TRIM49: variants seen among roughly 807,000 people sequenced by gnomAD.
TRIM49 encodes the protein tripartite motif containing 49, also known as tripartite motif-containing protein 49.
A neutral mutation model predicts 27.4 loss-of-function variants in TRIM49; 5 were observed. The observed-to-expected ratio is 0.18, with a 90% CI of 0.10 to 0.38. TRIM49 has a LOEUF of 0.38. Among genes scored for constraint, TRIM49 ranks in the 10% least tolerant of loss-of-function variants. The pLI is 1.00. For missense variants in TRIM49, 188 were observed against 487.5 expected, an observed-to-expected ratio of 0.39 and a Z score of 5.79; for synonymous variants, 69 against 166.0, an observed-to-expected ratio of 0.42 and a Z score of 4.49.
chr11:89,799,991 G>A (rs188071918), intron 6 of TRIM49, among the ~76,000 whole-genome samples, 178 bp from the exon 7 acceptor site: 8,604 of 150,014 alleles, frequency 0.057, 423 homozygotes, highest in Non-Finnish European at 0.091. Flanking sequence ...AAGCATGATG[G>A]AAGAATCTAA....
the TRIM49 span, among the ~76,000 whole-genome samples, chr11:89,775,394 CA>C: frequency 2.7e-3 from 212 of 77,764 alleles, 3 homozygotes; most frequent in Middle Eastern, 5.0e-3. Context: ...CAACAACAAC[CA>C]AAAAAAAAAA....
At chr11:89,800,826 T>G in intron 6 of TRIM49, 140 bp downstream of exon 6, 2 of 590,926 alleles carry the variant, frequency 3.4e-6, no homozygotes, top group Non-Finnish European at 6.1e-6. Flanking sequence ...GGCCTTGTCT[T>G]TTAAGGTGTG....
intron 5 of TRIM49, 139 bp from the exon 6 acceptor site, chr11:89,801,127 C>T: frequency 6.6e-7 from 1 of 1,510,936 alleles, no homozygotes; most frequent in Non-Finnish European, 8.9e-7. Context: ...TTTTCTGTTT[C>T]TTCTGTAAAG....
the TRIM49 span, among the ~76,000 whole-genome samples, chr11:89,788,371 T>TA: frequency 0.029 from 142 of 4,836 alleles, no homozygotes; most frequent in South Asian, 0.044. Flanking sequence ...TGTCTCAATT[T>TA]AAAAAAATCA....
At chr11:89,773,103 A>C in the TRIM49 span, among the ~76,000 whole-genome samples, 1 of 136,856 alleles carries the variant, frequency 7.3e-6, no homozygotes, top group African/African-American at 3.3e-5. Context: ...AGGCAGGAGA[A>C]TCACTTGAAC....
At chr11:89,800,651 G>A (rs1366281029) in intron 6 of TRIM49, among the ~76,000 whole-genome samples, 1 of 150,370 alleles carries the variant, frequency 6.7e-6, no homozygotes, top group Non-Finnish European at 1.5e-5. Flanking sequence ...GCTGAGGCAG[G>A]GGAATGGTGT....
At chr11:89,805,070 A>G (rs1765511297) in intron 2 of TRIM49, among the ~76,000 whole-genome samples, 1 of 151,946 alleles carries the variant, frequency 6.6e-6, no homozygotes, top group African/African-American at 2.4e-5. Context: ...AAAATTTAAA[A>G]AAAAGCCAAC....
At chr11:89,771,370 G>C in the TRIM49 span, among the ~76,000 whole-genome samples, 2 of 102,770 alleles carry the variant, frequency 1.9e-5, 1 homozygote, top group Non-Finnish European at 4.1e-5. Context: ...GTTCATTTCT[G>C]CATTGGCTTA....
downstream of TRIM49, chr11:89,797,578 A>G (rs1233032199): frequency 2.0e-5 from 3 of 152,476 alleles, no homozygotes; most frequent in East Asian, 3.9e-4. Context: ...AATGTAGACG[A>G]GCACACTAAT....
At chr11:89,793,686 C>T (rs1949670330), downstream of TRIM49, among the ~76,000 whole-genome samples, 1 of 151,940 alleles carries the variant, frequency 6.6e-6, no homozygotes, top group African/African-American at 2.4e-5. Context: ...TTCAACAGCC[C>T]CTCATGCTAA....
chr11:89,789,898 AGACAGTGGGTGCAG>A, the TRIM49 span, among the ~76,000 whole-genome samples: 2 of 151,672 alleles, frequency 1.3e-5, no homozygotes, highest in Non-Finnish European at 2.9e-5. Flanking sequence ...GGGGCTTGTC[AGACAGTGGGTGCAG>A]GACAGTGGGT....
At chr11:89,784,380 A>T in the TRIM49 span, among the ~76,000 whole-genome samples, 1 of 106,814 alleles carries the variant, frequency 9.4e-6, no homozygotes, top group South Asian at 3.0e-4. Context: ...CCTTAAATGA[A>T]TGATTTAGAT....
intron 2 of TRIM49, among the ~76,000 whole-genome samples, chr11:89,806,652 A>G (rs199918485): frequency 0.066 from 9,759 of 147,084 alleles, 344 homozygotes; most frequent in East Asian, 0.19. Context: ...GAGCTTTCTC[A>G]TTGTTTTAGT....
chr11:89,773,151 AT>A, the TRIM49 span, among the ~76,000 whole-genome samples: 1 of 136,484 alleles, frequency 7.3e-6, no homozygotes, highest in Non-Finnish European at 1.5e-5. Context: ...AGATCATGCC[AT>A]TGCACTCCAG....
At chr11:89,769,263 C>G in the TRIM49 span, among the ~76,000 whole-genome samples, 1 of 132,418 alleles carries the variant, frequency 7.6e-6, no homozygotes, top group Non-Finnish European at 1.5e-5. Context: ...TTTAGAATTA[C>G]CACATACTAT....
the TRIM49 span, chr11:89,787,981 C>A: frequency 8.2e-5 from 22 of 266,790 alleles, no homozygotes; most frequent in Admixed American, 1.1e-3. Flanking sequence ...GCTGGGGGAG[C>A]CACATCGATT....
At chr11:89,769,227 G>A in the TRIM49 span, among the ~76,000 whole-genome samples, 40 of 130,668 alleles carry the variant, frequency 3.1e-4, 7 homozygotes, top group South Asian at 3.4e-3. Context: ...GTTATTCTGC[G>A]CATCTGCTCT....
chr11:89,806,101 A>G (rs1949787925), intron 2 of TRIM49, among the ~76,000 whole-genome samples: 2 of 149,514 alleles, frequency 1.3e-5, no homozygotes, highest in East Asian at 2.0e-4. Flanking sequence ...GGTATACACT[A>G]TAGCCTATTG....
the TRIM49 span, chr11:89,787,677 G>C: frequency 6.5e-4 from 716 of 1,106,364 alleles, 26 homozygotes; most frequent in South Asian, 6.6e-3. Context: ...CAGCCCAAGA[G>C]GGCAGCGCGG....
Sources: gnomAD v4.1 joint callset for allele counts (sites outside exome capture counted in the v4.1 genomes callset) on GRCh38, gnomAD v4.1.1 for gene constraint, MANE v1.5 for transcripts, NCBI Gene and HGNC (gene_info 2026-07-23, HGNC 2026-07-21) for gene names.